The following PTPRA variants were observed in gnomAD, a reference collection of about 807,000 sequenced individuals.
The protein encoded by PTPRA is protein tyrosine phosphatase receptor type A.
A neutral mutation model predicts 104.8 loss-of-function variants in PTPRA; 25 were observed. That is an observed-to-expected ratio of 0.24 (90% CI 0.17 to 0.33). The LOEUF (loss-of-function observed/expected upper bound fraction) is 0.33. Among genes scored for constraint, PTPRA ranks in the 10% least tolerant of loss-of-function variants. The pLI is 1.00. For synonymous variants in PTPRA, 323 were observed against 368.9 expected (o/e 0.88, Z 1.43); for missense variants, 765 against 1,015.3 (o/e 0.75, Z 3.35).
chr20:2,909,661 C>T (rs1311653837), intron 1 of PTPRA, among the ~76,000 whole-genome samples: 3 of 149,722 alleles, frequency 2.0e-5, no homozygotes, highest in East Asian at 3.9e-4. Flanking sequence ...TGAATGAGTG[C>T]AGCTACATTC....
At chr20:2,926,425 T>TATAG (rs2060296711) in intron 2 of PTPRA, among the ~76,000 whole-genome samples, 1 of 152,218 alleles carries the variant, frequency 6.6e-6, no homozygotes, top group South Asian at 2.1e-4. Context: ...CTTCCCTCTA[T>TATAG]GCATATCTGT....
intron 1 of PTPRA, among the ~76,000 whole-genome samples, chr20:2,910,010 T>C (rs1391687559): frequency 1.9e-5 from 1 of 52,280 alleles, no homozygotes; most frequent in Non-Finnish European, 2.7e-5. Flanking sequence ...CTATCATATA[T>C]CATATATAAT....
At chr20:2,909,790 ATATT>A (rs1171504343) in intron 1 of PTPRA, among the ~76,000 whole-genome samples, 6 of 132,936 alleles carry the variant, frequency 4.5e-5, no homozygotes, top group Admixed American at 9.0e-5. Context: ...AATATAATAT[ATATT>A]AGATAATATA....
At position 3,031,631 on chromosome 20, in the gene PTPRA, CCTGTTTA is replaced by C. The variant is rs2065459969; in HGVS notation, c.1920+3794_1920+3800del. Among the ~76,000 whole-genome samples the C allele has an allele frequency of 4.6e-5, 7 of 152,162 alleles. No homozygotes were observed. In the South Asian group the frequency reaches 1.5e-3, roughly 32 times the overall value. ...CTTGGAATCTCAACAAGGCATCCGCCCTGTTTACTGCCTCCTTCCTCCCACCTCAGTA... is the reference window on the plus strand; with the variant it reads ...CTTGGAATCTCAACAAGGCATCCGCCCTGCCTCCTTCCTCCCACCTCAGTA... On this transcript the variant is annotated intron_variant, in intron 20 of 23. Transcript: ENST00000399903.
chr20:2,953,958 T>C (rs1449993541), intron 3 of PTPRA, among the ~76,000 whole-genome samples: 1 of 150,924 alleles, frequency 6.6e-6, no homozygotes, highest in Non-Finnish European at 1.5e-5. Flanking sequence ...TCCCAAGCTG[T>C]AGTGCAGTGG....
chr20:3,017,754 A>G, intron 12 of PTPRA, 62 bp from the exon 13 acceptor site: 1 of 1,447,630 alleles, frequency 6.9e-7, no homozygotes, highest in South Asian at 1.1e-5. Flanking sequence ...GGATGTTCCC[A>G]GCCTCCCAGC....
intron 9 of PTPRA, among the ~76,000 whole-genome samples, chr20:2,998,170 T>G (rs1443055787): frequency 8.1e-6 from 1 of 122,918 alleles, no homozygotes; most frequent in African/African-American, 3.0e-5. Flanking sequence ...AGAGTGAGAC[T>G]CTGTCTCAAA....
At chr20:2,900,359 CTATG>C (rs2147098202) in intron 1 of PTPRA, among the ~76,000 whole-genome samples, 1 of 152,212 alleles carries the variant, frequency 6.6e-6, no homozygotes, top group Non-Finnish European at 1.5e-5. Context: ...AATCTCCTGA[CTATG>C]TAGGCCATTT....
intron 2 of PTPRA, among the ~76,000 whole-genome samples, chr20:2,937,832 A>G (rs2060764660): frequency 6.6e-6 from 1 of 152,222 alleles, no homozygotes; most frequent in Admixed American, 6.5e-5. Flanking sequence ...CACTGTCTAT[A>G]GAATTTTAGC....
the PTPRA span, chr20:2,866,431 G>C: frequency 1.2e-6 from 2 of 1,614,176 alleles, no homozygotes; most frequent in Non-Finnish European, 1.7e-6. Flanking sequence ...AAACCACAGC[G>C]ATGTGGCTCA....
At chr20:2,867,301 G>A in the PTPRA span, among the ~76,000 whole-genome samples, 2 of 152,338 alleles carry the variant, frequency 1.3e-5, no homozygotes, top group South Asian at 2.1e-4. Context: ...GGGTCAGGGG[G>A]TGGTGGCCTT....
At chr20:2,917,066 TC>T (rs1374555845) in intron 1 of PTPRA, among the ~76,000 whole-genome samples, 1 of 150,780 alleles carries the variant, frequency 6.6e-6, no homozygotes, top group Non-Finnish European at 1.5e-5. Context: ...CAAGCAATTC[TC>T]CTGCCTCAGC....
At position 2,955,905 on chromosome 20, in the gene PTPRA, G is replaced by A. The variant is rs148782789; in HGVS notation, c.-7+7881G>A. ...GTCTTTTTTCCCCCTACCCCCCACA[G>A]ATACAACATCTACTCTAATACCACA... On this transcript the variant is annotated intron_variant, in intron 3 of 23. Coordinates refer to ENST00000399903, the MANE Select transcript of PTPRA (RefSeq NM_001385305.1). Among the ~76,000 whole-genome samples the A allele has an allele frequency of 1.5e-4, 23 of 151,964 alleles. No homozygotes were observed. In the East Asian group the frequency reaches 3.7e-3, roughly 24 times the overall value.
intron 20 of PTPRA, among the ~76,000 whole-genome samples, chr20:3,028,307 A>G (rs545152141): frequency 5.3e-5 from 8 of 152,358 alleles, no homozygotes; most frequent in Admixed American, 5.2e-4. Flanking sequence ...AAAATAAAGC[A>G]GTAGAATTTG....
At chr20:3,017,940 G>T (rs2064550624) in intron 13 of PTPRA, 27 bp downstream of exon 13, 1 of 1,573,836 alleles carries the variant, frequency 6.4e-7, no homozygotes, top group Admixed American at 1.7e-5. Flanking sequence ...GATGTGAACA[G>T]CAGAAGGATC....
chr20:2,997,696 A>G (rs1339133377), intron 9 of PTPRA, among the ~76,000 whole-genome samples: 1 of 152,238 alleles, frequency 6.6e-6, no homozygotes, highest in Non-Finnish European at 1.5e-5. Context: ...TTTTTTGTTC[A>G]CCAGCATTTG....
At position 3,037,032 on chromosome 20, in the gene PTPRA, T is replaced by A. The variant is rs2065832779; in HGVS notation, c.2199-122T>A. ...CCCAGAACCCCTCCAGGCTGGTGGG[T>A]CCACAGGGCAAAGGCGAGCACCAGC... On this transcript the variant is annotated intron_variant, in intron 22 of 23. Transcript: ENST00000399903. The surrounding 1 kb of genome is among the most constrained non-coding windows in gnomAD (Gnocchi z 4.3). 7 of 1,386,796 alleles carry A rather than the reference T, an allele frequency of 5.0e-6. No individual in the cohort carries two copies. The South Asian group carries it at 9.5e-5, about 19-fold the overall frequency. The allele number at this position is 1,386,796 out of a possible 1,614,324, so 85.9% of individuals were successfully genotyped here.
At chr20:3,002,616 C>T (rs1167958247) in intron 9 of PTPRA, among the ~76,000 whole-genome samples, 5 of 152,130 alleles carry the variant, frequency 3.3e-5, no homozygotes, top group Non-Finnish European at 7.4e-5. Context: ...CGTGAGCCAC[C>T]GCGCCTGGCC....
intron 3 of PTPRA, among the ~76,000 whole-genome samples, chr20:2,957,071 G>A (rs190559462): frequency 3.3e-4 from 51 of 152,288 alleles, no homozygotes; most frequent in African/African-American, 1.2e-3. Context: ...AGATCACGGG[G>A]TCAGGAGATC....
Sources: gnomAD v4.1 joint callset for allele counts (sites outside exome capture counted in the v4.1 genomes callset) on GRCh38, gnomAD v4.1.1 for gene constraint, Gnocchi (gnomAD v3.1) non-coding constraint, MANE v1.5 for transcripts, NCBI Gene and HGNC (gene_info 2026-07-23, HGNC 2026-07-21) for gene names.